L3MBTL4: variants seen among roughly 807,000 people sequenced by gnomAD.
L3MBTL4 encodes the protein L3MBTL histone methyl-lysine binding protein 4.
L3MBTL4 carries 70 observed loss-of-function variants against 84.5 expected under a neutral mutation model. The observed-to-expected ratio is 0.83, with a 90% confidence interval of 0.68 to 1.01. L3MBTL4 has a LOEUF of 1.01. Ranked by LOEUF, L3MBTL4 falls within the 50% of genes least tolerant of loss-of-function variation. L3MBTL4 has a pLI of 0.00. For missense variants in L3MBTL4, 715 were observed against 754.8 expected (o/e 0.95, Z 0.62); for synonymous variants, 274 against 259.8 (o/e 1.05, Z -0.52).
At chr18:6,065,310 C>CT (rs1364527305) in intron 16 of L3MBTL4, among the ~76,000 whole-genome samples, 1 of 151,354 alleles carries the variant, frequency 6.6e-6, no homozygotes, top group South Asian at 2.1e-4. Flanking sequence ...TTGTAGTTTT[C>CT]TTTTTTTTGT....
intron 1 of L3MBTL4, among the ~76,000 whole-genome samples, chr18:6,346,135 G>GATATATATATATATAT (rs1216723428): frequency 8.3e-6 from 1 of 120,726 alleles, no homozygotes; most frequent in African/African-American, 3.0e-5. Flanking sequence ...TATATATATG[G>GATATATATATATATAT]ATGTATATAT....
At chr18:6,120,104 G>A (rs1294582022) in intron 14 of L3MBTL4, among the ~76,000 whole-genome samples, 1 of 152,212 alleles carries the variant, frequency 6.6e-6, no homozygotes, top group East Asian at 1.9e-4. Context: ...AAACAGCACA[G>A]ATGTGTTTTC....
chr18:6,008,676 G>A (rs939564337), intron 16 of L3MBTL4, among the ~76,000 whole-genome samples: 3 of 152,116 alleles, frequency 2.0e-5, no homozygotes, highest in African/African-American at 7.2e-5. Context: ...CCCTCATTGG[G>A]GATTAGGGCT....
At chr18:6,109,006 T>A (rs1211113363) in intron 14 of L3MBTL4, among the ~76,000 whole-genome samples, 1 of 152,142 alleles carries the variant, frequency 6.6e-6, no homozygotes, top group East Asian at 1.9e-4. Context: ...ACCAATGTCC[T>A]ATGGGTACCA....
chr18:6,125,084 A>C (rs1481056149), intron 14 of L3MBTL4, among the ~76,000 whole-genome samples: 1 of 152,158 alleles, frequency 6.6e-6, no homozygotes, highest in Non-Finnish European at 1.5e-5. Context: ...AAAACATTAG[A>C]ATAACCAATA....
intron 16 of L3MBTL4, among the ~76,000 whole-genome samples, chr18:6,050,383 A>T (rs11665478): frequency 0.032 from 4,906 of 152,328 alleles, 110 homozygotes; most frequent in Non-Finnish European, 0.049. Flanking sequence ...AACTGTAAAA[A>T]CTAGTTACAT....
intron 4 of L3MBTL4, among the ~76,000 whole-genome samples, chr18:6,300,398 G>T (rs1030145872): frequency 2.6e-5 from 4 of 152,136 alleles, no homozygotes; most frequent in African/African-American, 9.7e-5. Context: ...CAGCCACGGT[G>T]CGAACTTTTG....
At chr18:6,214,703 T>C (rs2046252233) in intron 11 of L3MBTL4, among the ~76,000 whole-genome samples, 1 of 152,200 alleles carries the variant, frequency 6.6e-6, no homozygotes, top group African/African-American at 2.4e-5. Flanking sequence ...CCGGAGAATC[T>C]TTCTGTTCTC....
chr18:6,068,082 A>G (rs2057457072), intron 16 of L3MBTL4, among the ~76,000 whole-genome samples: 1 of 152,100 alleles, frequency 6.6e-6, no homozygotes, highest in African/African-American at 2.4e-5. Flanking sequence ...TTCCTTAAAG[A>G]GAGTTTTTGT....
intron 14 of L3MBTL4, among the ~76,000 whole-genome samples, chr18:6,133,241 G>T (rs1028101370): frequency 1.3e-5 from 2 of 151,924 alleles, no homozygotes; most frequent in African/African-American, 4.8e-5. Flanking sequence ...TAGTCACAAG[G>T]GCTGCTGAGC....
intron 1 of L3MBTL4, among the ~76,000 whole-genome samples, chr18:6,339,531 T>C (rs956241229): frequency 1.3e-5 from 2 of 152,148 alleles, no homozygotes; most frequent in African/African-American, 4.8e-5. Flanking sequence ...TGGATTATCA[T>C]CATGAGCTAG....
chr18:6,352,300 G>T (rs774078689), intron 1 of L3MBTL4, among the ~76,000 whole-genome samples: 12 of 152,138 alleles, frequency 7.9e-5, no homozygotes, highest in Non-Finnish European at 1.8e-4. Flanking sequence ...TCATCTTTAT[G>T]AGCTGAATCT....
intron 12 of L3MBTL4, among the ~76,000 whole-genome samples, chr18:6,190,415 T>A (rs1322442304): frequency 2.0e-5 from 3 of 152,204 alleles, no homozygotes; most frequent in African/African-American, 7.2e-5. Context: ...ATTGTGTATG[T>A]AACTATACGT....
intron 12 of L3MBTL4, among the ~76,000 whole-genome samples, chr18:6,184,244 T>G (rs2044617307): frequency 6.6e-6 from 1 of 152,220 alleles, no homozygotes; most frequent in South Asian, 2.1e-4. Context: ...CCTGTTCACT[T>G]CCGATCATTT....
chr18:6,231,149 G>T (rs2046983367), intron 10 of L3MBTL4, among the ~76,000 whole-genome samples: 1 of 152,008 alleles, frequency 6.6e-6, no homozygotes, highest in Admixed American at 6.6e-5. Flanking sequence ...TCAAATCTTT[G>T]CCAGGGCCTA....
chr18:6,120,385 T>C lies in L3MBTL4; in HGVS notation c.1199+17809A>G, dbSNP rs150699447. On this transcript the variant is annotated intron_variant, in intron 14 of 18. Coordinates refer to ENST00000317931, the MANE Select transcript of L3MBTL4 (RefSeq NM_001330559.2). ...TCCCAGCTTGGCGTTACTAACCTAA[T>C]ATATCAGACTGTTGCCTGTGTTGCA... Among the ~76,000 whole-genome samples the C allele has an allele frequency of 7.8e-4, 119 of 152,270 alleles. 2 individuals are homozygous for C. The East Asian group carries it at 0.02, about 25-fold the overall frequency.
At chr18:6,286,082 G>T (rs563751717) in intron 4 of L3MBTL4, among the ~76,000 whole-genome samples, 1 of 151,488 alleles carries the variant, frequency 6.6e-6, no homozygotes, top group Non-Finnish European at 1.5e-5. Context: ...CGCCCGCCTC[G>T]GCCTCCCAAA....
intron 16 of L3MBTL4, among the ~76,000 whole-genome samples, chr18:6,046,032 G>A (rs2056605837): frequency 6.6e-6 from 1 of 152,058 alleles, no homozygotes; most frequent in Non-Finnish European, 1.5e-5. Flanking sequence ...AAAGTAAAGA[G>A]GTGGAGAAAG....
In L3MBTL4 at chr18:6,215,744, A is replaced by G. The variant is rs1046726241; in HGVS notation, c.870+6T>C. On this transcript the variant is annotated splice_donor_region_variant and intron_variant, in intron 11 of 18. Transcript: ENST00000317931. ...AGGTGAGAGTTTGTACCCACATAGA[A>G]CTTACCATTTTAAAAACTTTGGCAG... The G allele has an allele frequency of 6.3e-7, 1 of 1,579,134 alleles. No homozygotes were observed. Among genetic ancestry groups the G allele is most frequent in the Non-Finnish European group, 8.7e-7 (1 of 1,155,388 alleles).
Sources: allele counts gnomAD v4.1 joint callset (sites outside exome capture counted in the v4.1 genomes callset), GRCh38; gene constraint gnomAD v4.1.1; transcripts MANE v1.5; gene names NCBI Gene and HGNC (gene_info 2026-07-23, HGNC 2026-07-21).